Variants in RIF1 observed in about 807,000 individuals in gnomAD.
RIF1 encodes the protein telomere-associated protein RIF1.
Under a neutral mutation model 247.1 loss-of-function variants are expected in RIF1, and 45 were observed. That is an observed-to-expected ratio of 0.18 (90% CI 0.14 to 0.23). The LOEUF (loss-of-function observed/expected upper bound fraction) is 0.23, where lower values mean the gene tolerates loss of function less well. RIF1 is among the 10% of genes least tolerant of loss of function. RIF1 has a pLI of 1.00. For missense variants in RIF1, 2,967 were observed against 2,862.5 expected (o/e 1.04, Z -0.83); for synonymous variants, 1,087 against 978.8 (o/e 1.11, Z -2.06).
At position 151,463,625 on chromosome 2, in the gene RIF1, G is replaced by A; in HGVS notation, c.4105G>A (p.Glu1369Lys). 6.2e-7 allele frequency: 1 copy of A among 1,613,312 alleles called. No individual in the cohort carries two copies. Reference sequence around the variant, plus strand: ...AACAGTGGAAAATGCTGTATTATTGGAAACTAATACTGTAGAGGAGAAAAA... The same window carrying A: ...AACAGTGGAAAATGCTGTATTATTGAAAACTAATACTGTAGAGGAGAAAAA... ...AATVENAVLL[E>K]TNTVEEKNVE... The change falls in exon 30 of 36, where the codon GAA becomes AAA. Residue 1369 changes from glutamate to lysine, a missense_variant. Physicochemically the swap from Glu to Lys is moderately conservative, Grantham distance 56 (BLOSUM62 1). Around this residue, in one of 7 missense-constraint regions of RIF1, gnomAD observed 2,028 missense variants for 1,825.6 expected, o/e 1.11. Transcript: ENST00000444746.
intron 10 of RIF1, among the ~76,000 whole-genome samples, chr2:151,434,642 G>T (rs902908904): frequency 6.6e-6 from 1 of 151,804 alleles, no homozygotes; most frequent in South Asian, 2.1e-4. Flanking sequence ...GGGTTTCACT[G>T]TGTTAGCCAG....
chr2:151,501,364 G>A, intron 11 of RIF1: 1 of 1,363,080 alleles, frequency 7.3e-7, no homozygotes. Flanking sequence ...TTTTTAATAT[G>A]GAGTTAAAGA....
chr2:151,418,180 T>C, intron 6 of RIF1, among the ~76,000 whole-genome samples: 1 of 152,156 alleles, frequency 6.6e-6, no homozygotes, highest in African/African-American at 2.4e-5. Context: ...TATAAAAACA[T>C]TTTTAAAATA....
chr2:151,454,818 T>C, intron 21 of RIF1, 77 bp from the exon 22 acceptor site: 1 of 1,066,194 alleles, frequency 9.4e-7, no homozygotes, highest in South Asian at 1.7e-5. Flanking sequence ...AAATGTGAGC[T>C]ATAAATTGTA....
intron 12 of RIF1, chr2:151,503,326 T>TATA (rs1157912879): frequency 6.5e-7 from 1 of 1,529,104 alleles, no homozygotes; most frequent in Non-Finnish European, 9.0e-7. Context: ...AAATAGTTTC[T>TATA]TATATGATAT....
At chr2:151,458,977 TA>T (rs1695687242) in intron 25 of RIF1, 67 bp downstream of exon 25, 1 of 919,774 alleles carries the variant, frequency 1.1e-6, no homozygotes, top group Admixed American at 2.4e-5. Context: ...AAGTTATAAA[TA>T]AGTAGAACCT....
At chr2:151,520,165 A>C in the RIF1 span, among the ~76,000 whole-genome samples, 1 of 152,186 alleles carries the variant, frequency 6.6e-6, no homozygotes, top group South Asian at 2.1e-4. Context: ...GTGAAATCCA[A>C]AGAAGGGCTG....
intron 12 of RIF1, among the ~76,000 whole-genome samples, chr2:151,504,268 GT>G (rs1324908116): frequency 7.2e-5 from 11 of 152,166 alleles, no homozygotes; most frequent in African/African-American, 2.4e-4. Flanking sequence ...TGATAGCTTT[GT>G]TTTGCAAGGA....
Position 151,410,444 on chromosome 2 carries a change from C to T in RIF1, c.21C>T (p.Ser7=), listed in dbSNP as rs139988920. 26 of 1,613,786 alleles carry T rather than the reference C, an allele frequency of 1.6e-5. No homozygotes were observed. In the African/African-American group the frequency reaches 1.9e-4, roughly 12 times the overall value. The change falls in exon 2 of 36, where the codon AGC becomes AGT. Residue 7 remains serine (S), a synonymous_variant. Transcript: ENST00000444746. MTARGQ[S]PLAPLLETLE... is the part of the protein sequence containing the mutation. ...CCGACATGACGGCCAGGGGTCAGAG[C>T]CCCCTCGCGCCGCTGTTGGAGACTT...
At chr2:151,440,213 T>C in intron 15 of RIF1, 86 bp downstream of exon 15, 1 of 766,742 alleles carries the variant, frequency 1.3e-6, no homozygotes, top group Admixed American at 2.8e-5. Context: ...AAATCTAGTT[T>C]GGGAAGACTT....
chr2:151,414,280 C>G (rs1315279176), intron 3 of RIF1, among the ~76,000 whole-genome samples: 1 of 132,516 alleles, frequency 7.5e-6, no homozygotes, highest in South Asian at 2.6e-4. Context: ...GAGCGAAACT[C>G]TGTCTCAAAA....
intron 9 of RIF1, among the ~76,000 whole-genome samples, chr2:151,489,272 G>A (rs893477274): frequency 6.6e-6 from 1 of 152,130 alleles, no homozygotes; most frequent in African/African-American, 2.4e-5. Context: ...GAGATCCAGG[G>A]TTTTAAACTA....
Position 151,410,503 on chromosome 2 carries a change from C to T in RIF1, c.80C>T (p.Thr27Ile). Residue 27 changes from threonine (T) to isoleucine (I), a missense_variant, in exon 2 of 36, where the codon ACT becomes ATT. By Grantham distance (89) the Thr-to-Ile change is moderately conservative (BLOSUM62 -1). This residue lies in a region of RIF1 where 269 missense variants were observed against 288.6 expected (regional missense o/e 0.93). Transcript: ENST00000444746. ...EDPSASHGGQ[T>I]DAYLTLTSRM... is the part of the protein sequence containing the mutation. ...CCTTCTGCCTCCCATGGAGGGCAGACTGACGCTTACCTGACTCTGACCAGG... is the reference window on the plus strand; with the variant it reads ...CCTTCTGCCTCCCATGGAGGGCAGATTGACGCTTACCTGACTCTGACCAGG... 2 of 1,613,888 alleles carry T rather than the reference C, an allele frequency of 1.2e-6. No homozygotes were observed. The highest frequency in any genetic ancestry group is 1.7e-6 in the Non-Finnish European group (2 of 1,179,876).
At chr2:151,437,194 C>G (rs1474616788) in intron 12 of RIF1, 47 bp from the exon 13 acceptor site, 2 of 1,437,872 alleles carry the variant, frequency 1.4e-6, no homozygotes, top group African/African-American at 1.4e-5. Context: ...AAATGTATTT[C>G]ATAAATCTGT....
chr2:151,510,854 T>C (rs1482195031), downstream of RIF1, among the ~76,000 whole-genome samples: 2 of 152,248 alleles, frequency 1.3e-5, no homozygotes, highest in South Asian at 2.1e-4. Context: ...TGAGTCAGCT[T>C]ACATTGCTTG....
intron 9 of RIF1, chr2:151,489,879 TA>T (rs1013234237): frequency 3.0e-5 from 28 of 944,292 alleles, no homozygotes; most frequent in Admixed American, 1.0e-4. Context: ...AAGGTTTGGT[TA>T]AAAAAAACCG....
At chr2:151,516,570 AT>A in the RIF1 span, 1 of 1,564,646 alleles carries the variant, frequency 6.4e-7, no homozygotes, top group Admixed American at 1.7e-5. Flanking sequence ...TCACCTGGTG[AT>A]AGAAAGCCAT....
chr2:151,482,775 T>C (rs1212380155), downstream of RIF1, among the ~76,000 whole-genome samples: 3 of 152,112 alleles, frequency 2.0e-5, no homozygotes, highest in Non-Finnish European at 4.4e-5. Flanking sequence ...ACAACTGAAA[T>C]GTATTGTCTC....
intron 27 of RIF1, among the ~76,000 whole-genome samples, chr2:151,461,991 A>G (rs1316665730): frequency 6.6e-6 from 1 of 152,096 alleles, no homozygotes; most frequent in Non-Finnish European, 1.5e-5. Context: ...TTCCCGCATC[A>G]ACCTCCCAAG....
Sources: gnomAD v4.1 joint callset for allele counts (sites outside exome capture counted in the v4.1 genomes callset) on GRCh38, gnomAD v4.1.1 for gene constraint, gnomAD v4.1.1 regional missense constraint, MANE v1.5 for transcripts, NCBI Gene and HGNC (gene_info 2026-07-23, HGNC 2026-07-21) for gene names.